RBFOX1: variants seen among roughly 807,000 people sequenced by gnomAD.
RBFOX1 encodes the protein RNA binding fox-1 homolog 1.
RBFOX1 carries 8 observed loss-of-function variants against 57.7 expected under a neutral mutation model. The ratio of observed to expected loss-of-function variants is 0.14; its 90% CI spans 0.08 to 0.25. The LOEUF is 0.25. Among genes scored for constraint, RBFOX1 ranks in the 10% least tolerant of loss-of-function variants. The probability of loss-of-function intolerance (pLI) is 1.00; values close to 1 mark genes in which losing one functional copy is unlikely to be tolerated. For missense variants in RBFOX1, 611 were observed against 548.5 expected, an observed-to-expected ratio of 1.11 and a Z score of -1.14; for synonymous variants, 326 against 222.4, an observed-to-expected ratio of 1.47 and a Z score of -4.15.
intron 4 of RBFOX1, among the ~76,000 whole-genome samples, chr16:7,123,439 A>T (rs2067669653): frequency 6.6e-6 from 1 of 152,070 alleles, no homozygotes; most frequent in Non-Finnish European, 1.5e-5. Flanking sequence ...AATACAGCTC[A>T]CTGTAACCTT....
chr16:6,417,153 A>G (rs796485862), intron 2 of RBFOX1, among the ~76,000 whole-genome samples: 4 of 152,064 alleles, frequency 2.6e-5, no homozygotes, highest in African/African-American at 9.7e-5. Flanking sequence ...CTGAGATTAC[A>G]GGTGTGCGCC....
chr16:7,003,448 G>C (rs2093015423), intron 3 of RBFOX1, among the ~76,000 whole-genome samples: 1 of 142,440 alleles, frequency 7.0e-6, no homozygotes, highest in South Asian at 2.5e-4. Flanking sequence ...GACAGAGCGA[G>C]ACTCCATCTT....
chr16:5,918,529 T>C (rs962229237), intron 4 of RBFOX1, among the ~76,000 whole-genome samples: 3 of 152,234 alleles, frequency 2.0e-5, no homozygotes, highest in Non-Finnish European at 4.4e-5. Context: ...TAAGGGTTAA[T>C]AGGCCTACTG....
intron 4 of RBFOX1, among the ~76,000 whole-genome samples, chr16:7,177,519 A>G (rs559687894): frequency 1.7e-4 from 26 of 152,094 alleles, no homozygotes; most frequent in African/African-American, 6.0e-4. Context: ...AAAGAAGTAG[A>G]TCAGGGATGC....
intron 3 of RBFOX1, among the ~76,000 whole-genome samples, chr16:5,621,470 G>A (rs771873707): frequency 7.9e-5 from 12 of 152,114 alleles, no homozygotes; most frequent in South Asian, 2.1e-4. Context: ...AGTAGATACC[G>A]CTGTCAGTCA....
chr16:7,307,972 C>T (rs1432931206), intron 4 of RBFOX1, among the ~76,000 whole-genome samples: 1 of 152,184 alleles, frequency 6.6e-6, no homozygotes, highest in Non-Finnish European at 1.5e-5. Context: ...CTTAATCTTC[C>T]ACGTTCCAAA....
chr16:5,773,883 A>G (rs2054059506), intron 3 of RBFOX1, among the ~76,000 whole-genome samples: 1 of 151,944 alleles, frequency 6.6e-6, no homozygotes, highest in Non-Finnish European at 1.5e-5. Flanking sequence ...TTTTTAGGAG[A>G]GATGGGGTTT....
chr16:6,850,387 T>TGGTCCTGGAG (rs1366315145), intron 3 of RBFOX1, among the ~76,000 whole-genome samples: 8 of 152,106 alleles, frequency 5.3e-5, no homozygotes, highest in Admixed American at 5.2e-4. Context: ...TTAGGTAGGT[T>TGGTCCTGGAG]GGTCCTGGAG....
At chr16:7,481,755 C>G (rs189034432) in intron 4 of RBFOX1, among the ~76,000 whole-genome samples, 4 of 152,224 alleles carry the variant, frequency 2.6e-5, no homozygotes, top group Admixed American at 2.6e-4. Flanking sequence ...AAGTAGAAAA[C>G]ATAATAAGTC....
intron 6 of RBFOX1, among the ~76,000 whole-genome samples, chr16:7,585,631 G>T (rs1276429621): frequency 1.3e-5 from 2 of 152,124 alleles, no homozygotes; most frequent in African/African-American, 2.4e-5. Flanking sequence ...CAAACTTTTG[G>T]TTACTTTGTC....
In RBFOX1 at chr16:5,562,651, T is replaced by C. The variant is rs371984793; in HGVS notation, c.259-36251T>C. ...TGCTAGGGAGTCTTCCTTAAGGTTC[T>C]GAGTGCAAGAGAGCTGGTCCAGTAG... On this transcript the variant is annotated intron_variant, in intron 2 of 2. Transcript: ENST00000585867. Among the ~76,000 whole-genome samples, 47 of 152,274 alleles carry C rather than the reference T, an allele frequency of 3.1e-4. No individual in the cohort carries two copies. The East Asian group carries it at 8.0e-3, about 26-fold the overall frequency.
chr16:5,744,018 G>C (rs950044168), intron 3 of RBFOX1, among the ~76,000 whole-genome samples: 1 of 152,188 alleles, frequency 6.6e-6, no homozygotes, highest in South Asian at 2.1e-4. Flanking sequence ...AATAGAGAAA[G>C]ACTCCTGGAG....
intron 3 of RBFOX1, among the ~76,000 whole-genome samples, chr16:6,902,897 A>T (rs1165347331): frequency 6.6e-6 from 1 of 152,204 alleles, no homozygotes; most frequent in Non-Finnish European, 1.5e-5. Flanking sequence ...CTCCTACTTT[A>T]GGCCAAGTAT....
intron 3 of RBFOX1, among the ~76,000 whole-genome samples, chr16:6,937,180 A>T (rs1051890346): frequency 2.6e-5 from 4 of 152,140 alleles, no homozygotes; most frequent in African/African-American, 9.7e-5. Context: ...CCAAATTTTT[A>T]TTCTGGAAAA....
intron 2 of RBFOX1, among the ~76,000 whole-genome samples, chr16:6,624,122 C>G (rs1211645523): frequency 2.0e-5 from 3 of 152,038 alleles, no homozygotes; most frequent in African/African-American, 7.2e-5. Context: ...ACGGACAACA[C>G]TGGAAAAACA....
rs544115830 is a variant in RBFOX1 at position 5,378,640 on chromosome 16, G to A, written c.220-88576G>A. ...ACATGAGAATGGCCCTGGGTAAACT[G>A]GGATGGTTGGTCACACTGCTGGAGA... On this transcript the variant is annotated intron_variant, in intron 1 of 2. Coordinates refer to the RBFOX1 transcript ENST00000585867. 1.6e-4 allele frequency among the ~76,000 whole-genome samples: 25 copies of A among 151,568 alleles called. 1 individual carries two copies. The South Asian group carries it at 5.0e-3, about 30-fold the overall frequency.
intron 3 of RBFOX1, among the ~76,000 whole-genome samples, chr16:6,727,746 C>T (rs1238968746): frequency 6.6e-6 from 1 of 152,162 alleles, no homozygotes; most frequent in African/African-American, 2.4e-5. Flanking sequence ...ATGAAGTACC[C>T]TGCTGAGTTC....
At chr16:5,652,168 A>T (rs1313274346) in intron 3 of RBFOX1, among the ~76,000 whole-genome samples, 2 of 152,180 alleles carry the variant, frequency 1.3e-5, no homozygotes, top group Non-Finnish European at 2.9e-5. Flanking sequence ...ATGATGATGA[A>T]GAAGATATTG....
chr16:5,403,318 C>G (rs2066766988), intron 1 of RBFOX1, among the ~76,000 whole-genome samples: 1 of 146,638 alleles, frequency 6.8e-6, no homozygotes, highest in Non-Finnish European at 1.5e-5. Flanking sequence ...CCATTGCACT[C>G]CAGTCTGGGA....
Sources: gnomAD v4.1 joint callset for allele counts (sites outside exome capture counted in the v4.1 genomes callset) on GRCh38, gnomAD v4.1.1 for gene constraint, MANE v1.5 for transcripts, NCBI Gene and HGNC (gene_info 2026-07-23, HGNC 2026-07-21) for gene names.